The following NHERF2 variants were observed in gnomAD, a reference collection of about 807,000 sequenced individuals.
The protein encoded by NHERF2 is Na(+)/H(+) exchange regulatory cofactor NHE-RF2.
the NHERF2 span, chr16:2,029,492 C>A: frequency 4.0e-6 from 5 of 1,264,146 alleles, no homozygotes; most frequent in Non-Finnish European, 4.5e-6. Context: ...CGCCTGTCCG[C>A]ACGCCTGGGC....
At chr16:2,029,283 C>G in the NHERF2 span, among the ~76,000 whole-genome samples, 2 of 152,240 alleles carry the variant, frequency 1.3e-5, no homozygotes, top group Non-Finnish European at 2.9e-5. Context: ...CCCAGCGGCC[C>G]TATCCTGCAG....
At chr16:2,036,899 G>A in the NHERF2 span, 3 of 1,598,930 alleles carry the variant, frequency 1.9e-6, no homozygotes, top group Non-Finnish European at 2.6e-6. Context: ...ACGGCCCAGG[G>A]CACAGGGTGG....
At chr16:2,032,160 C>T in the NHERF2 span, among the ~76,000 whole-genome samples, 1 of 152,036 alleles carries the variant, frequency 6.6e-6, no homozygotes, top group African/African-American at 2.4e-5. The surrounding 1 kb of genome is among the most constrained non-coding windows in gnomAD (Gnocchi z 4.0). Context: ...GCTGGGATTA[C>T]AGGCGTGTAC....
the NHERF2 span, chr16:2,037,657 A>G: frequency 0.26 from 413,958 of 1,585,838 alleles, 66,182 homozygotes; most frequent in African/African-American, 0.75. Context: ...GCCTTGGGGT[A>G]GGCGTCTGTG....
chr16:2,036,533 G>C, the NHERF2 span: 1 of 1,558,378 alleles, frequency 6.4e-7, no homozygotes, highest in Admixed American at 1.9e-5. Flanking sequence ...GCGGGGTGCC[G>C]AGTGCCCCGC....
the NHERF2 span, among the ~76,000 whole-genome samples, chr16:2,037,172 C>T: frequency 3.3e-5 from 5 of 152,360 alleles, no homozygotes; most frequent in Admixed American, 3.3e-4. Context: ...GTGCCACACA[C>T]AAGCCACGTG....
At chr16:2,031,780 T>C in the NHERF2 span, among the ~76,000 whole-genome samples, 1 of 152,152 alleles carries the variant, frequency 6.6e-6, no homozygotes, top group African/African-American at 2.4e-5. Flanking sequence ...CAACCTCCGC[T>C]GTCTGGGTTC....
chr16:2,036,942 G>A, the NHERF2 span: 56 of 1,565,846 alleles, frequency 3.6e-5, no homozygotes, highest in African/African-American at 1.4e-4. Flanking sequence ...CCACTGACAC[G>A]CTGTCCCCAC....
At chr16:2,030,209 A>C in the NHERF2 span, among the ~76,000 whole-genome samples, 1 of 152,166 alleles carries the variant, frequency 6.6e-6, no homozygotes, top group Non-Finnish European at 1.5e-5. Context: ...CATGCTGGGA[A>C]GGCCTGGGAG....
chr16:2,029,829 G>A, the NHERF2 span: 8 of 1,484,162 alleles, frequency 5.4e-6, no homozygotes, highest in Admixed American at 1.4e-4. Flanking sequence ...TCTCCCAGAG[G>A]CTCTCTCAGC....
At chr16:2,030,710 G>C in the NHERF2 span, among the ~76,000 whole-genome samples, 1 of 151,586 alleles carries the variant, frequency 6.6e-6, no homozygotes, top group South Asian at 2.1e-4. Flanking sequence ...AGGCTGAGAT[G>C]GGTGGATCAC....
chr16:2,027,133 C>G, the NHERF2 span: 1 of 1,473,044 alleles, frequency 6.8e-7, no homozygotes, highest in Non-Finnish European at 9.0e-7. Flanking sequence ...GAACCCGGTT[C>G]CCCCGCCGAG....
At chr16:2,037,927 C>T in the NHERF2 span, 11 of 1,613,216 alleles carry the variant, frequency 6.8e-6, no homozygotes, top group Non-Finnish European at 8.5e-6. Flanking sequence ...TGCGAGTCAA[C>T]AAGCGCGCGC....
chr16:2,026,962 C>T, the NHERF2 span: 3 of 874,124 alleles, frequency 3.4e-6, no homozygotes, highest in Non-Finnish European at 4.1e-6. Context: ...CCCCCGAGCT[C>T]CCCCGCGCCC....
chr16:2,035,956 G>A, the NHERF2 span: 7 of 232,230 alleles, frequency 3.0e-5, no homozygotes, highest in South Asian at 1.3e-4. Context: ...GCAGGGGGAC[G>A]CACAGGCAGA....
the NHERF2 span, chr16:2,033,003 C>G: frequency 8.7e-7 from 1 of 1,153,446 alleles, no homozygotes; most frequent in African/African-American, 1.6e-5. Flanking sequence ...CTGGCTCTTG[C>G]TCCTCTGGAG....
At chr16:2,036,439 G>A in the NHERF2 span, 326 of 1,605,306 alleles carry the variant, frequency 2.0e-4, no homozygotes, top group Admixed American at 2.5e-4. Context: ...CAGTACATCC[G>A]CTCTGTGGAC....
the NHERF2 span, chr16:2,037,458 G>C: frequency 2.4e-6 from 3 of 1,272,082 alleles, no homozygotes; most frequent in Middle Eastern, 1.9e-4. Flanking sequence ...CACTGGGGGG[G>C]GGTGTGCCTC....
At chr16:2,038,681 C>A in the NHERF2 span, 1 of 245,744 alleles carries the variant, frequency 4.1e-6, no homozygotes, top group Non-Finnish European at 7.9e-6. Context: ...CTGCTCCCCA[C>A]CCAGCTACCC....
Sources: gnomAD v4.1 joint callset for allele counts (sites outside exome capture counted in the v4.1 genomes callset) on GRCh38, gnomAD v4.1.1 for gene constraint, Gnocchi (gnomAD v3.1) non-coding constraint, MANE v1.5 for transcripts, NCBI Gene and HGNC (gene_info 2026-07-23, HGNC 2026-07-21) for gene names.